Variants in EYS observed in about 807,000 individuals in gnomAD.
EYS encodes the protein EGF-like photoreceptor maintenance factor, also known as protein eyes shut homolog.
A neutral mutation model predicts 282.1 loss-of-function variants in EYS; 250 were observed. The observed-to-expected ratio is 0.89, with a 90% CI of 0.80 to 0.98. The LOEUF (loss-of-function observed/expected upper bound fraction) is 0.98, where lower values mean the gene tolerates loss of function less well. Among genes scored for constraint, EYS ranks in the 50% least tolerant of loss-of-function variants. The probability of loss-of-function intolerance (pLI) is 0.00; values close to 1 mark genes in which losing one functional copy is unlikely to be tolerated. For synonymous variants in EYS, 1,355 were observed against 1,282.9 expected, an observed-to-expected ratio of 1.06 and a Z score of -1.20; for missense variants, 4,016 against 3,709.0, an observed-to-expected ratio of 1.08 and a Z score of -2.15.
chr6:64,133,840 T>C (rs1210591365), intron 31 of EYS, among the ~76,000 whole-genome samples: 1 of 151,550 alleles, frequency 6.6e-6, no homozygotes, highest in Non-Finnish European at 1.5e-5. Context: ...TTCCATATCT[T>C]TCTTTTTTTT....
intron 12 of EYS, among the ~76,000 whole-genome samples, chr6:65,263,234 A>G (rs1767663787): frequency 6.6e-6 from 1 of 152,020 alleles, no homozygotes; most frequent in South Asian, 2.1e-4. Context: ...CCAGCTACTC[A>G]GAAGGCTGAA....
intron 41 of EYS, chr6:63,744,687 C>A (rs759175362): frequency 7.0e-5 from 11 of 157,944 alleles, no homozygotes; most frequent in Non-Finnish European, 1.2e-4. Flanking sequence ...CCTGCCTCAG[C>A]CTCCCGAGTA....
chr6:64,955,520 A>G (rs1194061829), intron 14 of EYS, among the ~76,000 whole-genome samples: 2 of 152,144 alleles, frequency 1.3e-5, no homozygotes, highest in African/African-American at 4.8e-5. Flanking sequence ...AGGAAAAAAT[A>G]TGGTTAAGAA....
chr6:64,020,143 T>G (rs1413321389), intron 33 of EYS, among the ~76,000 whole-genome samples: 3 of 152,088 alleles, frequency 2.0e-5, no homozygotes, highest in Non-Finnish European at 4.4e-5. Flanking sequence ...TGAATTCTTG[T>G]TTGATAGCAG....
chr6:65,289,826 T>G (rs575916336), intron 12 of EYS, among the ~76,000 whole-genome samples: 1 of 151,228 alleles, frequency 6.6e-6, no homozygotes, highest in East Asian at 1.9e-4. Context: ...CAATAAGAAA[T>G]AATTTTACAT....
chr6:65,408,857 A>T (rs1457038316), intron 5 of EYS, among the ~76,000 whole-genome samples: 2 of 152,172 alleles, frequency 1.3e-5, no homozygotes, highest in East Asian at 3.8e-4. Flanking sequence ...AAGCACTGTT[A>T]TAAGTACTTA....
intron 14 of EYS, among the ~76,000 whole-genome samples, chr6:64,949,039 C>G (rs1013270595): frequency 3.3e-5 from 5 of 151,662 alleles, no homozygotes; most frequent in African/African-American, 7.3e-5. Flanking sequence ...AACAGATGTA[C>G]TAAAGTAAGA....
chr6:64,654,654 T>A (rs927610927), intron 22 of EYS, among the ~76,000 whole-genome samples: 1 of 152,182 alleles, frequency 6.6e-6, no homozygotes, highest in Non-Finnish European at 1.5e-5. Flanking sequence ...ACCTGAAAAA[T>A]GTTATGATGC....
intron 14 of EYS, among the ~76,000 whole-genome samples, chr6:64,957,397 C>T (rs904499393): frequency 1.3e-5 from 2 of 151,214 alleles, no homozygotes; most frequent in African/African-American, 4.9e-5. Flanking sequence ...TTCATGGACA[C>T]AGAGAGTAGA....
At chr6:64,244,251 C>T (rs1336488776) in intron 30 of EYS, among the ~76,000 whole-genome samples, 1 of 152,094 alleles carries the variant, frequency 6.6e-6, no homozygotes, top group Non-Finnish European at 1.5e-5. Context: ...AGGAGATAAT[C>T]CTATATAATG....
chr6:64,395,782 AT>A (rs199716776), intron 28 of EYS, among the ~76,000 whole-genome samples: 14,759 of 148,424 alleles, frequency 0.099, 2,136 homozygotes, highest in African/African-American at 0.32. Flanking sequence ...TTAAAGTATA[AT>A]TAAAAAAAAA....
rs762177788 is a variant in EYS, at chr6:64,950,792, C to CATATATATATATAT, written c.2260-4879_2260-4878insATATATATATATAT. ...TGAATAAAAAATATATACACATATA[C>CATATATATATATAT]ATATACATATATATATATATATATA... On this transcript the variant is annotated intron_variant, in intron 14 of 42. Transcript: ENST00000503581. Among the ~76,000 whole-genome samples, 132 of 60,820 alleles carry CATATATATATATAT rather than the reference C, an allele frequency of 2.2e-3. 3 individuals are homozygous for CATATATATATATAT. Among genetic ancestry groups the CATATATATATATAT allele is most frequent in the Non-Finnish European group, 2.8e-3 (93 of 33,040 alleles). 39.9% of individuals were successfully genotyped at this position (60,820 alleles called of 152,430 possible).
intron 22 of EYS, among the ~76,000 whole-genome samples, chr6:64,792,292 C>G (rs187660930): frequency 1.3e-5 from 2 of 152,018 alleles, no homozygotes; most frequent in African/African-American, 2.4e-5. Context: ...GTGTCTGTAA[C>G]TCATAATGTT....
intron 30 of EYS, among the ~76,000 whole-genome samples, chr6:64,237,539 AG>A (rs1766654889): frequency 6.6e-6 from 1 of 152,196 alleles, no homozygotes; most frequent in Admixed American, 6.5e-5. Context: ...GTTTTCACAC[AG>A]GGTAACTTAA....
intron 22 of EYS, among the ~76,000 whole-genome samples, chr6:64,785,405 T>C (rs1164191144): frequency 6.6e-6 from 1 of 152,192 alleles, no homozygotes; most frequent in East Asian, 1.9e-4. Flanking sequence ...GTTTCATTTC[T>C]TTGAGAAAAT....
chr6:64,877,303 T>C (rs1332361564), intron 19 of EYS, among the ~76,000 whole-genome samples: 1 of 152,128 alleles, frequency 6.6e-6, no homozygotes, highest in African/African-American at 2.4e-5. Flanking sequence ...GTCTGAGGTA[T>C]TATATGGATA....
intron 41 of EYS, among the ~76,000 whole-genome samples, chr6:63,728,903 A>G (rs1008248425): frequency 6.6e-6 from 1 of 152,140 alleles, no homozygotes; most frequent in Admixed American, 6.5e-5. Flanking sequence ...TTTGTAAGAA[A>G]CTGCCCAATT....
intron 30 of EYS, among the ~76,000 whole-genome samples, chr6:64,276,725 T>G (rs1768128035): frequency 6.6e-6 from 1 of 152,064 alleles, no homozygotes; most frequent in Admixed American, 6.6e-5. Context: ...ATAAAATTGG[T>G]TCATGAAAAA....
intron 2 of EYS, among the ~76,000 whole-genome samples, chr6:65,613,729 CTGAG>C (rs1766083813): frequency 6.6e-6 from 1 of 151,806 alleles, no homozygotes; most frequent in Non-Finnish European, 1.5e-5. Context: ...ATTCGTTTAA[CTGAG>C]TATTGACTTT....
Sources: allele counts gnomAD v4.1 joint callset (sites outside exome capture counted in the v4.1 genomes callset), GRCh38; gene constraint gnomAD v4.1.1; transcripts MANE v1.5; gene names NCBI Gene and HGNC (gene_info 2026-07-23, HGNC 2026-07-21).